Variants in RARB observed in about 807,000 individuals in gnomAD.
RARB encodes retinoic acid receptor beta.
RARB carries 17 observed loss-of-function variants against 51.9 expected under a neutral mutation model. The ratio of observed to expected loss-of-function variants is 0.33; its 90% confidence interval spans 0.22 to 0.49. RARB has a LOEUF of 0.49. Ranked by LOEUF, RARB falls within the 20% of genes least tolerant of loss-of-function variation. The probability of loss-of-function intolerance (pLI) is 0.99; values close to 1 mark genes in which losing one functional copy is unlikely to be tolerated. For missense variants in RARB, 369 were observed against 550.8 expected (o/e 0.67, Z 3.30); for synonymous variants, 215 against 195.4 (o/e 1.10, Z -0.84).
chr3:25,300,619 C>T (rs1287204589), intron 5 of RARB, among the ~76,000 whole-genome samples: 1 of 152,092 alleles, frequency 6.6e-6, no homozygotes, highest in African/African-American at 2.4e-5. Flanking sequence ...AAGGAGAAAC[C>T]ATAATGGTTA....
At chr3:25,462,678 C>T (rs967357201) in intron 2 of RARB, 3 of 152,248 alleles carry the variant, frequency 2.0e-5, no homozygotes, top group Non-Finnish European at 4.4e-5. Context: ...CAGCCAAACT[C>T]ATCTGCATGG....
intron 2 of RARB, among the ~76,000 whole-genome samples, chr3:25,004,156 T>A (rs1005807839): frequency 6.6e-6 from 1 of 152,124 alleles, no homozygotes; most frequent in Non-Finnish European, 1.5e-5. Flanking sequence ...AGGATGTTTT[T>A]AAGGGCTAAG....
intron 3 of RARB, among the ~76,000 whole-genome samples, chr3:25,508,231 G>C (rs905553459): frequency 6.6e-6 from 1 of 152,152 alleles, no homozygotes; most frequent in Non-Finnish European, 1.5e-5. Flanking sequence ...GGCATATTGA[G>C]CTTAAAAACA....
At chr3:25,306,695 A>G (rs1704160127) in intron 5 of RARB, among the ~76,000 whole-genome samples, 1 of 152,206 alleles carries the variant, frequency 6.6e-6, no homozygotes, top group South Asian at 2.1e-4. Flanking sequence ...CATGTCATTT[A>G]CTATTATTCT....
chr3:25,425,978 C>G (rs1386950313), upstream of RARB, among the ~76,000 whole-genome samples: 3 of 152,214 alleles, frequency 2.0e-5, no homozygotes, highest in African/African-American at 7.2e-5. Context: ...GTTTCTCCTG[C>G]TCTACTTCCA....
intron 5 of RARB, among the ~76,000 whole-genome samples, chr3:25,233,763 GTTGT>G (rs964789458): frequency 1.4e-5 from 2 of 145,328 alleles, no homozygotes; most frequent in Non-Finnish European, 3.0e-5. Context: ...TTGTTTGGTT[GTTGT>G]TTTTTTTTTT....
intron 3 of RARB, among the ~76,000 whole-genome samples, chr3:25,541,569 A>T (rs1699381660): frequency 6.6e-6 from 1 of 152,220 alleles, no homozygotes; most frequent in African/African-American, 2.4e-5. Flanking sequence ...GACCAGTTCA[A>T]ACTTTACAAG....
At chr3:24,973,348 C>T (rs1355898091) in intron 2 of RARB, among the ~76,000 whole-genome samples, 2 of 151,908 alleles carry the variant, frequency 1.3e-5, no homozygotes, top group African/African-American at 2.4e-5. Context: ...ATCTCAATAC[C>T]ATGCTATTTT....
intron 2 of RARB, among the ~76,000 whole-genome samples, chr3:25,020,917 C>T (rs1413974832): frequency 5.9e-5 from 9 of 152,180 alleles, no homozygotes; most frequent in Non-Finnish European, 1.2e-4. Context: ...TGCAGTGAGC[C>T]GAGATCGTGC....
intron 4 of RARB, among the ~76,000 whole-genome samples, chr3:25,149,528 C>T (rs1192120102): frequency 6.6e-6 from 1 of 152,206 alleles, no homozygotes; most frequent in Non-Finnish European, 1.5e-5. Context: ...GGAAAAGAGG[C>T]TAACTGAGGA....
intron 1 of RARB, among the ~76,000 whole-genome samples, chr3:24,839,468 G>A (rs1702390331): frequency 4.0e-5 from 6 of 151,732 alleles, no homozygotes; most frequent in Admixed American, 3.9e-4. Context: ...TTTGGGCTGA[G>A]GTGAGAGGAC....
intron 5 of RARB, among the ~76,000 whole-genome samples, chr3:25,212,011 C>G (rs2125378825): frequency 6.6e-6 from 1 of 152,178 alleles, no homozygotes; most frequent in Non-Finnish European, 1.5e-5. Flanking sequence ...ATTTTACTAC[C>G]TAAATTTCAC....
At chr3:25,540,754 A>G (rs916012902) in intron 3 of RARB, among the ~76,000 whole-genome samples, 1 of 152,198 alleles carries the variant, frequency 6.6e-6, no homozygotes, top group Non-Finnish European at 1.5e-5. Flanking sequence ...ACATTATTTC[A>G]CATGTTATAA....
At chr3:25,236,309 G>T (rs895114892) in intron 5 of RARB, among the ~76,000 whole-genome samples, 1 of 152,130 alleles carries the variant, frequency 6.6e-6, no homozygotes, top group African/African-American at 2.4e-5. Context: ...CTCATCAACA[G>T]ATTTTAAGCT....
At chr3:24,919,050 C>T (rs1186614280) in intron 2 of RARB, among the ~76,000 whole-genome samples, 3 of 152,106 alleles carry the variant, frequency 2.0e-5, no homozygotes, top group African/African-American at 2.4e-5. Context: ...ATTTATTTTA[C>T]TCCTCTATAA....
chr3:25,228,299 G>A (rs1284335160), intron 5 of RARB, among the ~76,000 whole-genome samples: 1 of 126,568 alleles, frequency 7.9e-6, no homozygotes, highest in East Asian at 2.4e-4. Flanking sequence ...GCCATATCTT[G>A]TATTACTTTC....
intron 5 of RARB, among the ~76,000 whole-genome samples, chr3:25,190,150 A>G (rs1198900452): frequency 6.6e-6 from 1 of 152,092 alleles, no homozygotes; most frequent in Admixed American, 6.5e-5. Flanking sequence ...ATGGAAAATC[A>G]TAGTATCTAG....
intron 3 of RARB, among the ~76,000 whole-genome samples, chr3:25,116,346 C>G (rs374097876): frequency 6.6e-6 from 1 of 152,132 alleles, no homozygotes; most frequent in African/African-American, 2.4e-5. Context: ...ATCAGCCACC[C>G]TTCCCTTTTT....
chr3:24,965,898 T>C (rs77594836), intron 2 of RARB, among the ~76,000 whole-genome samples: 3,068 of 152,284 alleles, frequency 0.02, 96 homozygotes, highest in African/African-American at 0.065. Flanking sequence ...TGAAAGAATT[T>C]GTCATTGCAA....
Sources: gnomAD v4.1 joint callset for allele counts (sites outside exome capture counted in the v4.1 genomes callset) on GRCh38, gnomAD v4.1.1 for gene constraint, MANE v1.5 for transcripts, NCBI Gene and HGNC (gene_info 2026-07-23, HGNC 2026-07-21) for gene names.